SLC35F4: variants seen among roughly 807,000 people sequenced by gnomAD.
SLC35F4 encodes the protein chromosome 14 open reading frame 36.
A neutral mutation model predicts 44.2 loss-of-function variants in SLC35F4; 24 were observed. The ratio of observed to expected loss-of-function variants is 0.54; its 90% CI spans 0.39 to 0.76. The LOEUF is 0.76. Ranked by LOEUF, SLC35F4 falls within the 30% of genes least tolerant of loss-of-function variation. SLC35F4 has a pLI of 0.00. For synonymous variants in SLC35F4, 238 were observed against 223.6 expected (o/e 1.06, Z -0.57); for missense variants, 562 against 586.1 (o/e 0.96, Z 0.42).
At chr14:57,829,610 C>T (rs1566887729) in intron 1 of SLC35F4, among the ~76,000 whole-genome samples, 1 of 152,104 alleles carries the variant, frequency 6.6e-6, no homozygotes, top group Non-Finnish European at 1.5e-5. Context: ...GAGAGCACAG[C>T]CCTGGCACCA....
intron 1 of SLC35F4, among the ~76,000 whole-genome samples, chr14:57,643,716 A>G (rs913712790): frequency 1.3e-5 from 2 of 152,150 alleles, no homozygotes; most frequent in Non-Finnish European, 2.9e-5. Context: ...TGCTGCACCC[A>G]TTAACTCCTC....
intron 1 of SLC35F4, among the ~76,000 whole-genome samples, chr14:57,734,335 G>A (rs1004266584): frequency 6.6e-6 from 1 of 152,148 alleles, no homozygotes; most frequent in Non-Finnish European, 1.5e-5. Flanking sequence ...CTAGCAATAG[G>A]AGATACTTAA....
chr14:57,675,926 T>C (rs2074678453), intron 1 of SLC35F4, among the ~76,000 whole-genome samples: 2 of 151,950 alleles, frequency 1.3e-5, no homozygotes, highest in South Asian at 4.2e-4. Flanking sequence ...AATTCATGAC[T>C]AAGACCCCAA....
At chr14:57,682,784 G>C (rs918978189) in intron 1 of SLC35F4, among the ~76,000 whole-genome samples, 1 of 152,122 alleles carries the variant, frequency 6.6e-6, no homozygotes, top group African/African-American at 2.4e-5. Flanking sequence ...CACTTAACAA[G>C]CTGACTGACC....
At position 57,566,526 on chromosome 14, in the gene SLC35F4, A is replaced by G. The variant is rs1321247649; in HGVS notation, c.1165T>C (p.Tyr389His). 3.1e-6 allele frequency: 5 copies of G among 1,602,618 alleles called. No individual in the cohort carries two copies. Among genetic ancestry groups the G allele is most frequent in the Non-Finnish European group, 3.4e-6 (4 of 1,174,742 alleles). Residue 389 changes from tyrosine to histidine, a missense_variant, in exon 7 of 8, where the codon TAC (tyrosine) becomes CAC (histidine). Physicochemically the swap from Tyr to His is moderately conservative, Grantham distance 83. Coordinates refer to ENST00000556826, the MANE Select transcript of SLC35F4 (RefSeq NM_001306087.2). ...GTCCCAATGGAGATTAGGATTGGGT[A>G]TGTCAGCACCACCCCAACATTCACC... The part of the protein sequence containing the change: ...ILVNVGVVLT[Y>H]PILISIGTVL...
chr14:57,741,491 T>G (rs1472270883), intron 1 of SLC35F4, among the ~76,000 whole-genome samples: 2 of 152,026 alleles, frequency 1.3e-5, no homozygotes, highest in Non-Finnish European at 2.9e-5. Flanking sequence ...AGGGTATCAG[T>G]GATGGAAGAT....
intron 1 of SLC35F4, among the ~76,000 whole-genome samples, chr14:57,646,218 C>T (rs1198928431): frequency 9.2e-5 from 14 of 152,236 alleles, no homozygotes; most frequent in African/African-American, 3.1e-4. Context: ...CTCTTTGTAC[C>T]TCTGGTAGAA....
At chr14:57,597,851 C>A (rs2070586444) in intron 1 of SLC35F4, among the ~76,000 whole-genome samples, 1 of 152,078 alleles carries the variant, frequency 6.6e-6, no homozygotes, top group Non-Finnish European at 1.5e-5. Context: ...ATTCTTTCAC[C>A]CTCACCTGTT....
chr14:57,892,221 C>A (rs1158773863), intron 1 of SLC35F4, among the ~76,000 whole-genome samples: 1 of 152,280 alleles, frequency 6.6e-6, no homozygotes, highest in East Asian at 1.9e-4. Flanking sequence ...TTGAGCAGAT[C>A]ATTGCAATTT....
At chr14:57,750,341 T>A (rs2076854874) in intron 1 of SLC35F4, among the ~76,000 whole-genome samples, 1 of 152,220 alleles carries the variant, frequency 6.6e-6, no homozygotes, top group Non-Finnish European at 1.5e-5. Context: ...CAAATAGTGC[T>A]GTGGTAAACA....
chr14:57,587,478 A>C (rs890983006), intron 3 of SLC35F4, among the ~76,000 whole-genome samples: 5 of 152,234 alleles, frequency 3.3e-5, no homozygotes, highest in African/African-American at 1.2e-4. Flanking sequence ...TTGCAGGGCC[A>C]TGGATGAAGC....
chr14:57,791,872 C>G (rs2077927702), intron 1 of SLC35F4, among the ~76,000 whole-genome samples: 1 of 151,738 alleles, frequency 6.6e-6, no homozygotes, highest in Non-Finnish European at 1.5e-5. Context: ...GAACAGAAAA[C>G]TAAACACCAC....
chr14:57,617,294 C>G (rs948668340), intron 1 of SLC35F4, among the ~76,000 whole-genome samples: 4 of 151,710 alleles, frequency 2.6e-5, no homozygotes, highest in African/African-American at 9.7e-5. Context: ...CCACATTCGG[C>G]TAACTTTTTA....
rs141438748 is a variant in SLC35F4 at position 57,579,383 on chromosome 14, G to C, written c.807+1831C>G. The C allele has an allele frequency of 8.5e-4, 129 of 152,312 alleles. 1 individual carries two copies. Among genetic ancestry groups the C allele is most frequent in the East Asian group, 6.7e-3 (35 of 5,194 alleles). 9.4% of individuals were successfully genotyped at this position (152,312 alleles called of 1,614,324 possible). ...CTGCTATTTAAAGATAAGTTACACA[G>C]TTGTTTTCTTTTTCTCTAAAATACC... On this transcript the variant is annotated intron_variant, in intron 4 of 7. Coordinates refer to ENST00000556826, the MANE Select transcript of SLC35F4 (RefSeq NM_001306087.2).
rs550528699 is a variant in SLC35F4, at chr14:57,800,418, C to T, written c.103+65305G>A. Among the ~76,000 whole-genome samples the T allele has an allele frequency of 7.9e-5, 12 of 152,222 alleles. No homozygotes were observed. In the South Asian group the frequency reaches 2.1e-3, roughly 26 times the overall value. ...CCACAAAGATGAGAAAGAATCAATGCAAAAAATGCTAAAAACTGAACAAGC... is the reference window on the plus strand; with the variant it reads ...CCACAAAGATGAGAAAGAATCAATGTAAAAAATGCTAAAAACTGAACAAGC... On this transcript the variant is annotated intron_variant, in intron 1 of 7. Coordinates refer to ENST00000556826, the MANE Select transcript of SLC35F4 (RefSeq NM_001306087.2).
chr14:57,801,345 C>T (rs2078189265), intron 1 of SLC35F4, among the ~76,000 whole-genome samples: 1 of 152,202 alleles, frequency 6.6e-6, no homozygotes, highest in Non-Finnish European at 1.5e-5. Context: ...CCAGGCCTGC[C>T]TTGCAAGAGC....
chr14:57,748,796 T>G (rs1055837472), intron 1 of SLC35F4, among the ~76,000 whole-genome samples: 2 of 152,138 alleles, frequency 1.3e-5, no homozygotes, highest in African/African-American at 4.8e-5. Flanking sequence ...AGAAAAGCAA[T>G]GTGTATAGTG....
intron 1 of SLC35F4, among the ~76,000 whole-genome samples, chr14:57,921,796 GA>G (rs1480972552): frequency 1.3e-5 from 2 of 152,128 alleles, no homozygotes; most frequent in Non-Finnish European, 2.9e-5. Flanking sequence ...GACCTCGTCT[GA>G]ACTAATTACA....
At chr14:57,901,275 G>A (rs1888994875) in intron 1 of SLC35F4, among the ~76,000 whole-genome samples, 1 of 152,144 alleles carries the variant, frequency 6.6e-6, no homozygotes, top group South Asian at 2.1e-4. Context: ...CAACCTAAAT[G>A]CCCATCAATG....
Sources: gnomAD v4.1 joint callset for allele counts (sites outside exome capture counted in the v4.1 genomes callset) on GRCh38, gnomAD v4.1.1 for gene constraint, MANE v1.5 for transcripts, NCBI Gene and HGNC (gene_info 2026-07-23, HGNC 2026-07-21) for gene names.